Variants in PALLD observed in about 807,000 individuals in gnomAD.
The protein encoded by PALLD is palladin, cytoskeletal associated protein.
Under a neutral mutation model 123.5 loss-of-function variants are expected in PALLD, and 61 were observed. The observed-to-expected ratio is 0.49, with a 90% CI of 0.40 to 0.61. The LOEUF is 0.61. Among genes scored for constraint, PALLD ranks in the 20% least tolerant of loss-of-function variants. The pLI, the probability that PALLD is intolerant of heterozygous loss-of-function variation, is 0.00. For missense variants in PALLD, 1,273 were observed against 1,377.0 expected (o/e 0.92, Z 1.20); for synonymous variants, 465 against 496.4 (o/e 0.94, Z 0.84).
intron 10 of PALLD, among the ~76,000 whole-genome samples, chr4:168,767,691 G>A (rs545255526): frequency 5.2e-4 from 79 of 152,156 alleles, no homozygotes; most frequent in African/African-American, 1.8e-3. Context: ...GGGATTACGG[G>A]GATGTACCAC....
intron 2 of PALLD, among the ~76,000 whole-genome samples, chr4:168,579,156 C>T (rs533333981): frequency 2.6e-5 from 4 of 152,158 alleles, no homozygotes; most frequent in Non-Finnish European, 5.9e-5. Context: ...AAATCTCCCA[C>T]AGTGGGGAGG....
intron 2 of PALLD, among the ~76,000 whole-genome samples, chr4:168,521,295 G>A (rs1197163191): frequency 6.6e-6 from 1 of 152,144 alleles, no homozygotes; most frequent in East Asian, 1.9e-4. Flanking sequence ...GGACAGTAGA[G>A]GTTCTAGAAT....
chr4:168,917,835 ATAAT>A (rs1272317937), intron 17 of PALLD, among the ~76,000 whole-genome samples: 10 of 152,198 alleles, frequency 6.6e-5, no homozygotes, highest in South Asian at 2.1e-4. Context: ...TTTTTGGTCT[ATAAT>A]TAAGAATTAT....
intron 10 of PALLD, among the ~76,000 whole-genome samples, chr4:168,862,959 C>G (rs1345213467): frequency 6.6e-6 from 1 of 152,184 alleles, no homozygotes; most frequent in African/African-American, 2.4e-5. Flanking sequence ...TTAATGCTAT[C>G]ATTTTGTGAC....
intron 10 of PALLD, among the ~76,000 whole-genome samples, chr4:168,804,569 C>T (rs1581557348): frequency 6.6e-6 from 1 of 152,224 alleles, no homozygotes; most frequent in African/African-American, 2.4e-5. Flanking sequence ...AAATAGGCCC[C>T]CATCAGCCCA....
At chr4:168,624,673 TA>T (rs2149805718) in intron 2 of PALLD, among the ~76,000 whole-genome samples, 1 of 152,340 alleles carries the variant, frequency 6.6e-6, no homozygotes, top group South Asian at 2.1e-4. Flanking sequence ...TAGATTACAT[TA>T]TATAGTTAGA....
At chr4:168,639,132 GA>G (rs987755688) in intron 2 of PALLD, among the ~76,000 whole-genome samples, 2 of 152,120 alleles carry the variant, frequency 1.3e-5, no homozygotes, top group African/African-American at 4.8e-5. Flanking sequence ...CCTTTCACTG[GA>G]AATAAATTTT....
chr4:168,813,454 G>T (rs1741458647), intron 10 of PALLD, among the ~76,000 whole-genome samples: 1 of 152,066 alleles, frequency 6.6e-6, no homozygotes, highest in South Asian at 2.1e-4. Context: ...TGATTGATTG[G>T]TTGATTGGTT....
rs374783925 is a variant in PALLD, at chr4:168,540,758, G to T, written c.908+28346G>T. On this transcript the variant is annotated intron_variant, in intron 2 of 21. Coordinates refer to ENST00000505667, the MANE Select transcript of PALLD (RefSeq NM_001166108.2). ...CACATTCTCCTACATCAAAGCAAAG[G>T]CACTCCAAGCCCCCTTTTTAATGAA... Among the ~76,000 whole-genome samples, 380 of 151,610 alleles carry T rather than the reference G, an allele frequency of 2.5e-3. 4 individuals carry two copies. Among genetic ancestry groups the T allele is most frequent in the African/African-American group, 8.5e-3 (352 of 41,304 alleles).
At chr4:168,552,829 C>G (rs553032487) in intron 2 of PALLD, among the ~76,000 whole-genome samples, 3 of 152,152 alleles carry the variant, frequency 2.0e-5, no homozygotes, top group Admixed American at 6.5e-5. Flanking sequence ...GCGCGTGCCA[C>G]CATGACCGGC....
chr4:168,800,282 T>C (rs746703050), intron 10 of PALLD, among the ~76,000 whole-genome samples: 4 of 152,098 alleles, frequency 2.6e-5, no homozygotes, highest in Non-Finnish European at 4.4e-5. Flanking sequence ...ATTCTGATCA[T>C]TAAAAGGCAC....
chr4:168,573,714 A>G (rs1178263176), intron 2 of PALLD, among the ~76,000 whole-genome samples: 1 of 152,030 alleles, frequency 6.6e-6, no homozygotes, highest in Non-Finnish European at 1.5e-5. Flanking sequence ...TCATGCTTCT[A>G]GGAGGCCCTC....
chr4:168,524,629 A>G (rs7700048), intron 2 of PALLD, among the ~76,000 whole-genome samples: 66,175 of 151,936 alleles, frequency 0.44, 15,364 homozygotes, highest in African/African-American at 0.6. Flanking sequence ...TACTGCCATA[A>G]CCCTTCTCAA....
chr4:168,646,401 C>T lies in PALLD; in HGVS notation c.909-21789C>T, dbSNP rs189180201. On this transcript the variant is annotated intron_variant, in intron 2 of 21. Transcript: ENST00000505667. ...CTCCAGTCCCAGACTGGGCCAAGCT[C>T]GGGGCTTCGTTGCCAAGCCTTAACA... Among the ~76,000 whole-genome samples, 34 of 152,284 alleles carry T rather than the reference C, an allele frequency of 2.2e-4. No individual in the cohort carries two copies. In the East Asian group the frequency reaches 6.4e-3, roughly 29 times the overall value.
chr4:168,586,053 G>A (rs904899951), intron 2 of PALLD, among the ~76,000 whole-genome samples: 1 of 149,850 alleles, frequency 6.7e-6, no homozygotes, highest in Non-Finnish European at 1.5e-5. Flanking sequence ...TGTTCGAGTT[G>A]GAAAGAAATG....
At chr4:168,565,351 C>T (rs1768267039) in intron 2 of PALLD, among the ~76,000 whole-genome samples, 1 of 152,130 alleles carries the variant, frequency 6.6e-6, no homozygotes, top group Admixed American at 6.6e-5. Flanking sequence ...CCATTCCATG[C>T]TCTCGGCACA....
At chr4:168,843,833 G>A (rs1415343741) in intron 10 of PALLD, among the ~76,000 whole-genome samples, 1 of 148,052 alleles carries the variant, frequency 6.8e-6, no homozygotes, top group Non-Finnish European at 1.5e-5. Flanking sequence ...AGCCACCTGA[G>A]ACATTTCCTG....
At chr4:168,733,101 A>G (rs1180867683) in intron 10 of PALLD, among the ~76,000 whole-genome samples, 1 of 152,182 alleles carries the variant, frequency 6.6e-6, no homozygotes, top group Non-Finnish European at 1.5e-5. Flanking sequence ...TGATATTTTA[A>G]TACATATATA....
At chr4:168,503,922 C>G (rs926749683) in intron 1 of PALLD, among the ~76,000 whole-genome samples, 7 of 152,124 alleles carry the variant, frequency 4.6e-5, no homozygotes, top group African/African-American at 1.7e-4. Context: ...AAAATAAAAA[C>G]CAAAAGAGTG....
Sources: gnomAD v4.1 joint callset for allele counts (sites outside exome capture counted in the v4.1 genomes callset) on GRCh38, gnomAD v4.1.1 for gene constraint, MANE v1.5 for transcripts, NCBI Gene and HGNC (gene_info 2026-07-23, HGNC 2026-07-21) for gene names.